Variants in GATAD2A observed in about 807,000 individuals in gnomAD.
GATAD2A encodes transcriptional repressor p66-alpha.
GATAD2A carries 12 observed loss-of-function variants against 68.5 expected under a neutral mutation model. The observed-to-expected ratio is 0.18, with a 90% confidence interval of 0.11 to 0.28. The LOEUF (loss-of-function observed/expected upper bound fraction) is 0.28, where lower values mean the gene tolerates loss of function less well. Among genes scored for constraint, GATAD2A ranks in the 10% least tolerant of loss-of-function variants. The pLI, the probability that GATAD2A is intolerant of heterozygous loss-of-function variation, is 1.00. For missense variants in GATAD2A, 755 were observed against 868.5 expected, an observed-to-expected ratio of 0.87 and a Z score of 1.64; for synonymous variants, 410 against 375.3, an observed-to-expected ratio of 1.09 and a Z score of -1.07.
At chr19:19,449,881 A>G (rs1418922089) in intron 1 of GATAD2A, among the ~76,000 whole-genome samples, 3 of 152,220 alleles carry the variant, frequency 2.0e-5, no homozygotes, top group Non-Finnish European at 4.4e-5. Flanking sequence ...TTGTAAGTGC[A>G]TTTATTTGTA....
intron 4 of GATAD2A, among the ~76,000 whole-genome samples, chr19:19,494,012 G>A (rs746940240): frequency 7.2e-5 from 11 of 152,146 alleles, no homozygotes; most frequent in Admixed American, 3.3e-4. Context: ...AGGGCACAGC[G>A]GGTGCCAGGA....
At chr19:19,486,393 A>G (rs991304481) in intron 2 of GATAD2A, among the ~76,000 whole-genome samples, 25 of 152,208 alleles carry the variant, frequency 1.6e-4, no homozygotes, top group African/African-American at 5.3e-4. Flanking sequence ...GCATGCTCCT[A>G]TCCCCTTCAA....
At chr19:19,438,665 G>T (rs1345266667) in intron 1 of GATAD2A, among the ~76,000 whole-genome samples, 1 of 152,212 alleles carries the variant, frequency 6.6e-6, no homozygotes, top group African/African-American at 2.4e-5. Flanking sequence ...CAGCCAGCAG[G>T]GAAGACCCAG....
chr19:19,429,723 T>C (rs1205352651), intron 1 of GATAD2A, among the ~76,000 whole-genome samples: 2 of 151,774 alleles, frequency 1.3e-5, no homozygotes, highest in African/African-American at 4.8e-5. Flanking sequence ...GTCACCCTAA[T>C]GGGAAGCTCA....
At chr19:19,462,902 A>G (rs961536320) in intron 1 of GATAD2A, among the ~76,000 whole-genome samples, 7 of 152,186 alleles carry the variant, frequency 4.6e-5, no homozygotes, top group African/African-American at 1.4e-4. Flanking sequence ...CAGAGCTTAC[A>G]GGGTGGGAGG....
intron 4 of GATAD2A, among the ~76,000 whole-genome samples, chr19:19,493,985 GC>G (rs1281534665): frequency 6.6e-6 from 1 of 152,114 alleles, no homozygotes; most frequent in Non-Finnish European, 1.5e-5. Context: ...GCCACCATCA[GC>G]CATTCTGTCC....
At chr19:19,464,244 A>G (rs540550561) in intron 1 of GATAD2A, among the ~76,000 whole-genome samples, 3 of 152,252 alleles carry the variant, frequency 2.0e-5, no homozygotes, top group Non-Finnish European at 2.9e-5. Context: ...GTGGGCACCA[A>G]CTGTCCCATG....
intron 1 of GATAD2A, among the ~76,000 whole-genome samples, chr19:19,421,935 C>T (rs1287128481): frequency 6.6e-6 from 1 of 152,078 alleles, no homozygotes; most frequent in Non-Finnish European, 1.5e-5. Context: ...AGTTCTCCTG[C>T]CCCAGCCTCC....
rs1035841640 is a variant in GATAD2A, at chr19:19,507,266, AAATC to A, written c.*1795_*1798del. On this transcript the variant is annotated 3_prime_UTR_variant, in exon 12 of 12. Transcript: ENST00000683918. ...TTTTTTACACCAAAAAAAAAAAAAA[AAATC>A]AAGAGTATGCAAGCATTTCTATTCC... 4.0e-5 allele frequency: 6 copies of A among 151,708 alleles called. No homozygotes were observed. The highest frequency in any genetic ancestry group is 7.4e-5 in the Non-Finnish European group (5 of 67,922). 9.4% of individuals were successfully genotyped at this position (151,708 alleles called of 1,614,324 possible).
intron 1 of GATAD2A, among the ~76,000 whole-genome samples, chr19:19,430,667 A>G (rs2053619114): frequency 6.6e-6 from 1 of 152,178 alleles, no homozygotes; most frequent in Non-Finnish European, 1.5e-5. Flanking sequence ...GGTAGAGCCC[A>G]TGCTTCCGGA....
intron 1 of GATAD2A, among the ~76,000 whole-genome samples, chr19:19,393,028 A>G (rs1226568008): frequency 1.3e-5 from 2 of 151,862 alleles, no homozygotes; most frequent in African/African-American, 4.8e-5. Context: ...ATAAGGGGCC[A>G]GGTGCGGTGG....
At position 19,505,480 on chromosome 19, in the gene GATAD2A, G is replaced by T; in HGVS notation, c.*6G>T. 6.3e-7 allele frequency: 1 copy of T among 1,575,828 alleles called. No individual in the cohort carries two copies. The highest frequency in any genetic ancestry group is 1.1e-5 in the South Asian group (1 of 87,164). On this transcript the variant is annotated 3_prime_UTR_variant, in exon 12 of 12. Transcript: ENST00000683918. ...AGTCAGCCACGTGGAAATAGTGCGA[G>T]CCAGGCCCCGTGGAAGACGGGCTCC... is the stretch of plus-strand genomic sequence containing the variant.
intron 1 of GATAD2A, among the ~76,000 whole-genome samples, chr19:19,407,477 C>T (rs951360575): frequency 6.6e-6 from 1 of 152,180 alleles, no homozygotes; most frequent in Non-Finnish European, 1.5e-5. Flanking sequence ...CTGCTGGAGG[C>T]CAGGCGGCTT....
At chr19:19,402,716 A>C (rs2049866832), upstream of GATAD2A, 1 of 148,198 alleles carries the variant, frequency 6.7e-6, no homozygotes. Flanking sequence ...AAAAGAAAGT[A>C]CAGTATTAAT....
intron 1 of GATAD2A, among the ~76,000 whole-genome samples, chr19:19,443,956 C>CT (rs1437486110): frequency 1.3e-5 from 2 of 152,072 alleles, no homozygotes; most frequent in Non-Finnish European, 2.9e-5. Context: ...CTTACACACT[C>CT]TTATTTTCTG....
intron 1 of GATAD2A, among the ~76,000 whole-genome samples, chr19:19,415,975 A>AG (rs1432437119): frequency 6.6e-6 from 1 of 151,464 alleles, no homozygotes; most frequent in African/African-American, 2.4e-5. Context: ...TTCCCCCCCA[A>AG]GAGACATGGT....
Position 19,495,413 on chromosome 19 carries a change from A to G in GATAD2A, c.625-341A>G, listed in dbSNP as rs1253554207. On this transcript the variant is annotated intron_variant, in intron 5 of 11. Transcript: ENST00000683918. ...AACCTCCGCCTCCCAGGTTCAAGCA[A>G]TTCTCCTGCCTCAGCCTTCTGAGTA... 3.9e-5 allele frequency among the ~76,000 whole-genome samples: 6 copies of G among 151,904 alleles called. No homozygotes were observed. In the South Asian group the frequency reaches 8.3e-4, roughly 21 times the overall value.
In GATAD2A at chr19:19,496,513, G is replaced by T. The variant is rs76131603; in HGVS notation, c.924+294G>T. Among the ~76,000 whole-genome samples the T allele has an allele frequency of 9.8e-3, 1,486 of 152,370 alleles. 25 individuals carry two copies. The highest frequency in any genetic ancestry group is 0.034 in the African/African-American group (1,417 of 41,594). On this transcript the variant is annotated intron_variant, in intron 7 of 11. Transcript: ENST00000683918. ...GTGGGGTCTGCTTACCAGCCCCATG[G>T]CTGAGGAAACAGCATGTGGCACACA...
chr19:19,416,762 A>T (rs1262015712), intron 1 of GATAD2A, among the ~76,000 whole-genome samples: 7 of 149,964 alleles, frequency 4.7e-5, no homozygotes, highest in Non-Finnish European at 7.4e-5. Flanking sequence ...TTTTTTTTTT[A>T]AACTTTTTTT....
Sources: gnomAD v4.1 joint callset for allele counts (sites outside exome capture counted in the v4.1 genomes callset) on GRCh38, gnomAD v4.1.1 for gene constraint, MANE v1.5 for transcripts, NCBI Gene and HGNC (gene_info 2026-07-23, HGNC 2026-07-21) for gene names.